Variants in M1AP observed in about 807,000 individuals in gnomAD.
M1AP encodes the protein meiosis 1 associated protein.
M1AP carries 39 observed loss-of-function variants against 51.2 expected under a neutral mutation model. The observed-to-expected ratio is 0.76, with a 90% CI of 0.59 to 1.00. The LOEUF is 1.00. Ranked by LOEUF, M1AP falls within the 50% of genes least tolerant of loss-of-function variation. The probability of loss-of-function intolerance (pLI) is 0.00; values close to 1 mark genes in which losing one functional copy is unlikely to be tolerated. For missense variants in M1AP, 545 were observed against 641.2 expected (o/e 0.85, Z 1.62); for synonymous variants, 251 against 249.2 (o/e 1.01, Z -0.07).
chr2:74,589,820 TTGAC>T (rs2104625647), intron 4 of M1AP, among the ~76,000 whole-genome samples: 1 of 152,336 alleles, frequency 6.6e-6, no homozygotes, highest in African/African-American at 2.4e-5. Flanking sequence ...AAAAAAATAA[TTGAC>T]TGTTAACTAA....
At chr2:74,619,252 C>T (rs1681860534) in intron 2 of M1AP, 1 of 207,910 alleles carries the variant, frequency 4.8e-6, no homozygotes, top group South Asian at 7.3e-5. Flanking sequence ...TTGGTAAAAA[C>T]CTTTTTGTAG....
intron 3 of M1AP, among the ~76,000 whole-genome samples, chr2:74,608,393 C>CA (rs1681141125): frequency 6.6e-6 from 1 of 152,162 alleles, no homozygotes; most frequent in South Asian, 2.1e-4. Flanking sequence ...AAGGTCCCTC[C>CA]ATATCTTTCT....
In M1AP at chr2:74,611,297, A is replaced by G. The variant is rs80100719; in HGVS notation, c.426+3667T>C. Among the ~76,000 whole-genome samples, 132 of 152,314 alleles carry G rather than the reference A, an allele frequency of 8.7e-4. No homozygotes were observed. The East Asian group carries it at 0.021, about 25-fold the overall frequency. On this transcript the variant is annotated intron_variant, in intron 3 of 10. Coordinates refer to ENST00000421985, the MANE Select transcript of M1AP (RefSeq NM_001321739.2). ...TTTGGTAGAATTCAGCAGTGAATCTATGAGGTCTGGGGCTTTTCTTCAACG... is the reference window on the plus strand; with the variant it reads ...TTTGGTAGAATTCAGCAGTGAATCTGTGAGGTCTGGGGCTTTTCTTCAACG...
chr2:74,596,038 C>G (rs922482599), intron 4 of M1AP, among the ~76,000 whole-genome samples: 5 of 151,534 alleles, frequency 3.3e-5, no homozygotes, highest in Admixed American at 6.6e-5. Flanking sequence ...TTAAATAATC[C>G]AAAAGAAAGC....
chr2:74,566,731 G>C (rs899086297), intron 7 of M1AP, among the ~76,000 whole-genome samples: 1 of 138,220 alleles, frequency 7.2e-6, no homozygotes, highest in Non-Finnish European at 1.5e-5. Context: ...CTCTCAGCTT[G>C]GATTCTTGGT....
intron 7 of M1AP, among the ~76,000 whole-genome samples, chr2:74,564,496 T>C (rs942656483): frequency 1.1e-4 from 17 of 152,258 alleles, no homozygotes; most frequent in African/African-American, 3.9e-4. Context: ...AAATTAGTCA[T>C]AATCATAATT....
At chr2:74,599,470 T>C (rs1218176420) in intron 4 of M1AP, among the ~76,000 whole-genome samples, 1 of 152,120 alleles carries the variant, frequency 6.6e-6, no homozygotes, top group Non-Finnish European at 1.5e-5. Flanking sequence ...TTTTTTCCTA[T>C]ATGGAATATT....
chr2:74,612,506 A>G (rs1033183045), intron 3 of M1AP, among the ~76,000 whole-genome samples: 1 of 151,756 alleles, frequency 6.6e-6, no homozygotes. Context: ...TTAAGTCTCT[A>G]TTTCTTTTAT....
intron 4 of M1AP, among the ~76,000 whole-genome samples, chr2:74,601,331 A>G (rs1228942423): frequency 3.3e-5 from 5 of 152,108 alleles, no homozygotes; most frequent in Non-Finnish European, 7.4e-5. Flanking sequence ...TAAATGAAAA[A>G]AAAGCAGAGC....
At chr2:74,575,984 G>C (rs1165763934) in intron 6 of M1AP, among the ~76,000 whole-genome samples, 1 of 152,136 alleles carries the variant, frequency 6.6e-6, no homozygotes, top group Non-Finnish European at 1.5e-5. Context: ...TCCCAGAGTG[G>C]CTGGGATTAC....
intron 7 of M1AP, among the ~76,000 whole-genome samples, chr2:74,573,805 G>C (rs929969241): frequency 3.3e-5 from 5 of 152,030 alleles, no homozygotes; most frequent in Middle Eastern, 3.4e-3. Context: ...AAAGGAAAGG[G>C]TATCATTTTC....
At chr2:74,587,091 AT>A (rs773619631) in intron 4 of M1AP, among the ~76,000 whole-genome samples, 5 of 152,152 alleles carry the variant, frequency 3.3e-5, no homozygotes, top group Non-Finnish European at 7.3e-5. Flanking sequence ...ACAAAGCGAG[AT>A]GATTATCTAT....
At chr2:74,618,926 A>T in intron 2 of M1AP, 1 of 533,540 alleles carries the variant, frequency 1.9e-6, no homozygotes, top group Non-Finnish European at 3.8e-6. Flanking sequence ...TTTGGGGAAA[A>T]GCGTCATTTC....
At chr2:74,632,656 G>A (rs1323418566) in intron 2 of M1AP, among the ~76,000 whole-genome samples, 5 of 152,162 alleles carry the variant, frequency 3.3e-5, no homozygotes, top group Non-Finnish European at 5.9e-5. Context: ...GGAATAGGGC[G>A]AGTAGGCACT....
chr2:74,559,991 AG>A (rs1394254825), intron 9 of M1AP, among the ~76,000 whole-genome samples, 159 bp downstream of exon 9: 1 of 152,134 alleles, frequency 6.6e-6, no homozygotes, highest in Non-Finnish European at 1.5e-5. Flanking sequence ...CTACCCAGTA[AG>A]GGTTCTAATT....
chr2:74,559,577 C>A, intron 10 of M1AP, 121 bp downstream of exon 10: 1 of 666,328 alleles, frequency 1.5e-6, no homozygotes, highest in Non-Finnish European at 2.8e-6. Flanking sequence ...TTTCTCTATC[C>A]TCAATCACTC....
At chr2:74,581,876 A>G in intron 4 of M1AP, 29 bp from the exon 5 acceptor site, 1 of 1,574,310 alleles carries the variant, frequency 6.4e-7, no homozygotes, top group South Asian at 1.1e-5. Flanking sequence ...TAAAGTGTTC[A>G]CTTAGATTGT....
intron 7 of M1AP, among the ~76,000 whole-genome samples, chr2:74,569,113 G>C (rs1325003996): frequency 6.6e-6 from 1 of 152,166 alleles, no homozygotes; most frequent in East Asian, 1.9e-4. Context: ...AAATAACCAT[G>C]ATTAGTATAT....
At chr2:74,644,777 A>G (rs1683504650) in intron 1 of M1AP, among the ~76,000 whole-genome samples, 1 of 152,184 alleles carries the variant, frequency 6.6e-6, no homozygotes, top group Non-Finnish European at 1.5e-5. Flanking sequence ...ATTTACCAAG[A>G]AAGCACATAA....
Sources: allele counts gnomAD v4.1 joint callset (sites outside exome capture counted in the v4.1 genomes callset), GRCh38; gene constraint gnomAD v4.1.1; transcripts MANE v1.5; gene names NCBI Gene and HGNC (gene_info 2026-07-23, HGNC 2026-07-21).